Variants in USP18 observed in about 807,000 individuals in gnomAD.
USP18 encodes ubiquitin specific peptidase 18.
Under a neutral mutation model 48.7 loss-of-function variants are expected in USP18, and 11 were observed. The observed-to-expected ratio is 0.23, with a 90% CI of 0.14 to 0.37. The LOEUF (loss-of-function observed/expected upper bound fraction) is 0.37. USP18 is among the 10% of genes least tolerant of loss of function. The probability of loss-of-function intolerance (pLI) is 1.00; values close to 1 mark genes in which losing one functional copy is unlikely to be tolerated. For synonymous variants in USP18, 114 were observed against 163.2 expected (o/e 0.70, Z 2.30); for missense variants, 285 against 436.4 (o/e 0.65, Z 3.09).
chr22:18,155,797 A>G (rs890970071), intron 1 of USP18, among the ~76,000 whole-genome samples: 1 of 152,152 alleles, frequency 6.6e-6, no homozygotes, highest in African/African-American at 2.4e-5. Context: ...TGTGCGGACC[A>G]AGCCTCCCCG....
At chr22:18,175,159 C>T (rs1460749571) in intron 10 of USP18, among the ~76,000 whole-genome samples, 2 of 152,136 alleles carry the variant, frequency 1.3e-5, no homozygotes, top group East Asian at 1.9e-4. Flanking sequence ...GTGATCCGCC[C>T]ACCTCGGCCT....
intron 4 of USP18, 64 bp downstream of exon 4, chr22:18,161,999 G>A: frequency 1.3e-6 from 2 of 1,530,986 alleles, no homozygotes; most frequent in Non-Finnish European, 1.8e-6. Flanking sequence ...CTTAGAGAGT[G>A]AAGAGAGGAA....
chr22:18,175,343 A>G (rs667877), intron 10 of USP18, among the ~76,000 whole-genome samples: 8 of 152,018 alleles, frequency 5.3e-5, no homozygotes, highest in Admixed American at 1.3e-4. Flanking sequence ...GGTGATTTTC[A>G]GCTACAGAGA....
chr22:18,169,620 C>T (rs1315564610), intron 6 of USP18, among the ~76,000 whole-genome samples: 1 of 152,192 alleles, frequency 6.6e-6, no homozygotes, highest in Non-Finnish European at 1.5e-5. Flanking sequence ...ACACCTGCTC[C>T]TGCTTGGCCT....
At position 18,167,331 on chromosome 22, in the gene USP18, C is replaced by A. The variant is rs760174417; in HGVS notation, c.477C>A (p.His159Gln). 6.2e-7 allele frequency: 1 copy of A among 1,613,832 alleles called. No individual in the cohort carries two copies. Among genetic ancestry groups the A allele is most frequent in the South Asian group, 1.1e-5 (1 of 91,060 alleles). Reference protein sequence around the residue: ...NLIKDQITDVHLVERLQALYT... With the variant: ...NLIKDQITDVQLVERLQALYT... ...TTAAGGACCAGATCACTGATGTGCA[C>A]TTGGTAAGAACCTAGAACCAGAGCA... The change falls in exon 5 of 11, where the codon CAC (histidine) becomes CAA (glutamine). Residue 159 changes from histidine (H) to glutamine (Q), a missense_variant. Coordinates refer to ENST00000215794, the MANE Select transcript of USP18 (RefSeq NM_017414.4).
chr22:18,175,342 C>T lies in USP18; in HGVS notation c.1074-1430C>T, dbSNP rs574017549. 9.2e-5 allele frequency among the ~76,000 whole-genome samples: 14 copies of T among 152,148 alleles called. No homozygotes were observed. In the South Asian group the frequency reaches 2.9e-3, roughly 31 times the overall value. ...CAGAGATCCTATTTGAGGTGATTTT[C>T]AGCTACAGAGATAGGCCTGGTCATT... On this transcript the variant is annotated intron_variant, in intron 10 of 10. Transcript: ENST00000215794.
intron 1 of USP18, among the ~76,000 whole-genome samples, chr22:18,156,708 G>C (rs541686283): frequency 2.0e-5 from 3 of 152,326 alleles, no homozygotes; most frequent in South Asian, 4.1e-4. Flanking sequence ...TCCTGAGCTA[G>C]CGAGACCACA....
intron 3 of USP18, among the ~76,000 whole-genome samples, chr22:18,161,300 C>T (rs1344587263): frequency 1.5e-5 from 2 of 130,246 alleles, no homozygotes; most frequent in South Asian, 2.9e-4. Context: ...TTTTCCCATC[C>T]GAAAAATGCC....
rs1157923993 is a variant in USP18 at position 18,170,661 on chromosome 22, C to G, written c.724-92C>G. On this transcript the variant is annotated intron_variant, in intron 7 of 10. Transcript: ENST00000215794. ...CTCCGTGATGTCGCCCCGCTCCCCT[C>G]TTTTTGGGAAGAACGCGTTGCTAGC... The G allele has an allele frequency of 2.5e-5, 37 of 1,466,776 alleles. 1 individual carries two copies. The highest frequency in any genetic ancestry group is 3.3e-5 in the Non-Finnish European group (36 of 1,088,460). The allele number at this position is 1,466,776 out of a possible 1,614,324, so 90.9% of individuals were successfully genotyped here. A position where few individuals can be genotyped will look rare whatever the true frequency, so the allele number is the denominator to read the frequency against.
chr22:18,167,623 G>C (rs988510630), intron 5 of USP18, among the ~76,000 whole-genome samples: 11 of 150,300 alleles, frequency 7.3e-5, no homozygotes, highest in African/African-American at 2.7e-4. Context: ...GCGTGAACCC[G>C]GGAAGCGGAG....
chr22:18,173,082 G>T, intron 8 of USP18, 68 bp from the exon 9 acceptor site: 1 of 1,604,844 alleles, frequency 6.2e-7, no homozygotes, highest in South Asian at 1.1e-5. Flanking sequence ...AGTGTGGGCA[G>T]GTATAAATGT....
At chr22:18,155,083 C>T (rs1312292413) in intron 1 of USP18, among the ~76,000 whole-genome samples, 3 of 152,240 alleles carry the variant, frequency 2.0e-5, no homozygotes, top group Admixed American at 6.5e-5. Flanking sequence ...CCATAGCTGC[C>T]GAGACTGGCA....
chr22:18,150,820 C>A (rs939688194), intron 1 of USP18, among the ~76,000 whole-genome samples: 2 of 152,164 alleles, frequency 1.3e-5, no homozygotes, highest in East Asian at 3.8e-4. Flanking sequence ...GGCGTGGTGG[C>A]GCATGCCTGT....
chr22:18,170,458 G>T (rs910668807), intron 7 of USP18, among the ~76,000 whole-genome samples: 2 of 152,234 alleles, frequency 1.3e-5, no homozygotes, highest in Admixed American at 1.3e-4. Context: ...CCGGCAGGGC[G>T]TTTCCCTCCA....
intron 1 of USP18, among the ~76,000 whole-genome samples, chr22:18,156,938 C>T (rs1431257479): frequency 1.3e-5 from 2 of 148,544 alleles, no homozygotes; most frequent in African/African-American, 5.0e-5. Flanking sequence ...TCTCTCTTCA[C>T]ACAGCTGTGC....
chr22:18,158,004 A>G (rs1223555359), intron 2 of USP18, among the ~76,000 whole-genome samples, 184 bp downstream of exon 2: 2 of 152,128 alleles, frequency 1.3e-5, no homozygotes, highest in African/African-American at 4.8e-5. Context: ...AAAAACAAAA[A>G]CAAGGTCGGG....
At chr22:18,160,784 T>C (rs1476073605) in intron 3 of USP18, among the ~76,000 whole-genome samples, 2 of 149,894 alleles carry the variant, frequency 1.3e-5, no homozygotes, top group Admixed American at 1.3e-4. Flanking sequence ...TTTTTTTTTT[T>C]TTTTGAGATG....
intron 1 of USP18, 150 bp from the exon 2 acceptor site, chr22:18,157,408 C>T (rs1179421570): frequency 4.6e-6 from 2 of 437,944 alleles, no homozygotes; most frequent in Non-Finnish European, 8.3e-6. Context: ...GATGTGTAGC[C>T]TAGCTGTCAT....
At chr22:18,159,672 ATTTTTTT>A (rs34386839) in intron 2 of USP18, among the ~76,000 whole-genome samples, 3 of 76,920 alleles carry the variant, frequency 3.9e-5, no homozygotes, top group Admixed American at 1.6e-4. Flanking sequence ...TGATTTTTGG[ATTTTTTT>A]TTTTTTTTTT....
Sources: gnomAD v4.1 joint callset for allele counts (sites outside exome capture counted in the v4.1 genomes callset) on GRCh38, gnomAD v4.1.1 for gene constraint, MANE v1.5 for transcripts, NCBI Gene and HGNC (gene_info 2026-07-23, HGNC 2026-07-21) for gene names.